DNAH5: variants seen among roughly 807,000 people sequenced by gnomAD.
The protein encoded by DNAH5 is axonemal beta dynein heavy chain 5.
A neutral mutation model predicts 518.2 loss-of-function variants in DNAH5; 372 were observed. The observed-to-expected ratio is 0.72, with a 90% CI of 0.66 to 0.78. The LOEUF (loss-of-function observed/expected upper bound fraction) is 0.78, where lower values mean the gene tolerates loss of function less well. DNAH5 is among the 30% of genes least tolerant of loss of function. The probability of loss-of-function intolerance (pLI) is 0.00; values close to 1 mark genes in which losing one functional copy is unlikely to be tolerated. For missense variants in DNAH5, 5,523 were observed against 5,687.0 expected (o/e 0.97, Z 0.93); for synonymous variants, 2,039 against 2,025.9 (o/e 1.01, Z -0.17).
intron 7 of DNAH5, among the ~76,000 whole-genome samples, chr5:13,918,837 A>G (rs187079106): frequency 5.5e-4 from 84 of 152,312 alleles, no homozygotes; most frequent in Non-Finnish European, 8.1e-4. Context: ...AAGGACTAAA[A>G]AATAAATACA....
intron 78 of DNAH5, among the ~76,000 whole-genome samples, chr5:13,699,865 G>C (rs992139232): frequency 2.0e-5 from 3 of 152,152 alleles, no homozygotes; most frequent in African/African-American, 4.8e-5. Context: ...GACGAACAGG[G>C]AATTCCCTCG....
chr5:13,751,425 G>A (rs1262594048), intron 64 of DNAH5, among the ~76,000 whole-genome samples, 165 bp from the exon 65 acceptor site: 1 of 152,098 alleles, frequency 6.6e-6, no homozygotes. Context: ...AGACAACTAG[G>A]ATGAAAGAAA....
rs1760986607 is a variant in DNAH5, at chr5:13,813,431, A to G, written c.7230+1174T>C. On this transcript the variant is annotated intron_variant, in intron 43 of 78. Coordinates refer to ENST00000265104, the MANE Select transcript of DNAH5 (RefSeq NM_001369.3). Reference sequence around the variant, plus strand: ...TGTGGTTTCCAAGCCTGGCTATGTGAAAAAAAAATGTTGTGGCACTTAAAA... The same window carrying G: ...TGTGGTTTCCAAGCCTGGCTATGTGGAAAAAAAATGTTGTGGCACTTAAAA... 2.0e-5 allele frequency among the ~76,000 whole-genome samples: 3 copies of G among 147,942 alleles called. No individual in the cohort carries two copies. The Admixed American group carries it at 2.1e-4, about 10-fold the overall frequency.
At chr5:13,695,853 TGCACATACACACACATGCACAC>T (rs1210865553) in intron 78 of DNAH5, among the ~76,000 whole-genome samples, 1 of 151,858 alleles carries the variant, frequency 6.6e-6, no homozygotes, top group Admixed American at 6.6e-5. Context: ...CACATGCACA[TGCACATACACACACATGCACAC>T]GCACATACAC....
intron 65 of DNAH5, among the ~76,000 whole-genome samples, chr5:13,740,525 T>C (rs6861936): frequency 4.6e-5 from 7 of 152,126 alleles, no homozygotes; most frequent in African/African-American, 1.7e-4. Context: ...ACATCAGTGG[T>C]TTTCAAATTT....
intron 1 of DNAH5, among the ~76,000 whole-genome samples, chr5:13,954,327 A>G (rs971367686): frequency 6.6e-6 from 1 of 152,308 alleles, no homozygotes; most frequent in South Asian, 2.1e-4. Context: ...AAATTATAAG[A>G]CCTTATGAAG....
At chr5:13,739,155 G>C (rs375561821) in intron 65 of DNAH5, among the ~76,000 whole-genome samples, 1 of 152,022 alleles carries the variant, frequency 6.6e-6, no homozygotes, top group Non-Finnish European at 1.5e-5. Context: ...TTCTCAATTG[G>C]GTACTCTGGA....
chr5:13,766,120 G>T lies in DNAH5; in HGVS notation c.9957C>A (p.Ile3319=). Residue 3319 remains isoleucine (I), a synonymous_variant, in exon 59 of 79, where the codon ATC becomes ATA. Transcript: ENST00000265104. ...VRTLGRPPHL[I]MRIMDCVLLL... ...GCAGTACGCAATCCATGATCCGCAT[G>T]ATGAGGTGAGGGGGGCGGCCCAACG... 6.2e-7 allele frequency: 1 copy of T among 1,614,226 alleles called. No individual in the cohort carries two copies. The highest frequency in any genetic ancestry group is 2.2e-5 in the East Asian group (1 of 44,894).
At chr5:13,883,292 C>T (rs1343414267) in intron 19 of DNAH5, among the ~76,000 whole-genome samples, 198 bp from the exon 20 acceptor site, 1 of 152,040 alleles carries the variant, frequency 6.6e-6, no homozygotes, top group South Asian at 2.1e-4. Flanking sequence ...GAACCCAAGG[C>T]ATTTTTTGCT....
intron 47 of DNAH5, 44 bp downstream of exon 47, chr5:13,807,547 T>C (rs777730520): frequency 1.9e-6 from 3 of 1,599,854 alleles, no homozygotes; most frequent in Non-Finnish European, 2.6e-6. Flanking sequence ...CTCCAAAGTT[T>C]ATCACAAAAT....
In DNAH5 at chr5:13,859,471, A is replaced by G. The variant is rs760262266; in HGVS notation, c.4931T>C (p.Ile1644Thr). The G allele has an allele frequency of 1.2e-6, 2 of 1,614,074 alleles. No individual in the cohort carries two copies. Among genetic ancestry groups the G allele is most frequent in the South Asian group, 2.2e-5 (2 of 91,078 alleles). ...YLEAVFVGGD[I>T]AKQLPKEAKR... Reference sequence around the variant, plus strand: ...CAAAACCTTGGGCAGCTGCTTGGCAATGTCTCCTCCCACAAAGACAGCTTC... The same window carrying G: ...CAAAACCTTGGGCAGCTGCTTGGCAGTGTCTCCTCCCACAAAGACAGCTTC... The change falls in exon 30 of 79, where the codon ATT becomes ACT. Residue 1644 changes from isoleucine (I) to threonine (T), a missense_variant. Physicochemically the swap from Ile to Thr is moderately conservative, Grantham distance 89. Around this residue, in one of 3 missense-constraint regions of DNAH5, gnomAD observed 5,121 missense variants for 5,223.3 expected, o/e 0.98. Coordinates refer to ENST00000265104, the MANE Select transcript of DNAH5 (RefSeq NM_001369.3).
intron 30 of DNAH5, among the ~76,000 whole-genome samples, chr5:13,858,956 A>G (rs999767480): frequency 2.0e-5 from 3 of 152,236 alleles, no homozygotes; most frequent in Admixed American, 2.0e-4. Context: ...TTGATGATAA[A>G]TATATACTTG....
At chr5:13,853,396 A>C (rs1222287646) in intron 30 of DNAH5, among the ~76,000 whole-genome samples, 1 of 152,218 alleles carries the variant, frequency 6.6e-6, no homozygotes, top group Non-Finnish European at 1.5e-5. Context: ...ATGGTAGATA[A>C]ATACACGAAG....
chr5:13,886,607 T>C (rs1203198131), intron 17 of DNAH5, among the ~76,000 whole-genome samples: 1 of 152,206 alleles, frequency 6.6e-6, no homozygotes, highest in African/African-American at 2.4e-5. Context: ...GGTGATCAAT[T>C]CTGGAGGAGA....
rs752656841 is a variant in DNAH5, at chr5:13,793,549, C to G, written c.8190G>C (p.Thr2730=). 32 of 1,613,860 alleles carry G rather than the reference C, an allele frequency of 2.0e-5. No homozygotes were observed. Among genetic ancestry groups the G allele is most frequent in the Non-Finnish European group, 2.5e-5 (29 of 1,179,962 alleles). The change falls in exon 49 of 79, where the codon ACG becomes ACC. Residue 2730 remains threonine (T), a synonymous_variant. Coordinates refer to ENST00000265104, the MANE Select transcript of DNAH5 (RefSeq NM_001369.3). ...LKRQFSIFNC[T]LPSEASVDKI... is the part of the protein sequence containing the mutation. ...TGTCCACAGAAGCTTCAGAGGGCAA[C>G]GTGCAATTAAATATAGAGAACTGCC...
chr5:13,991,682 C>T (rs552260005), intron 1 of DNAH5, among the ~76,000 whole-genome samples: 1 of 151,700 alleles, frequency 6.6e-6, no homozygotes, highest in East Asian at 1.9e-4. Context: ...ACGAGGGAGG[C>T]GTGAAGACAG....
chr5:13,886,219 T>C (rs1772419391), intron 17 of DNAH5, 90 bp from the exon 18 acceptor site: 2 of 1,329,970 alleles, frequency 1.5e-6, no homozygotes, highest in Non-Finnish European at 2.1e-6. Context: ...AGCAATGCTG[T>C]GGCTCAGCCT....
At chr5:13,718,554 G>T (rs1204752569) in intron 72 of DNAH5, among the ~76,000 whole-genome samples, 1 of 152,224 alleles carries the variant, frequency 6.6e-6, no homozygotes, top group Non-Finnish European at 1.5e-5. Flanking sequence ...TCTTGGAAGA[G>T]ACTACTGTAC....
chr5:13,756,044 G>C (rs1346279107), intron 61 of DNAH5, among the ~76,000 whole-genome samples: 1 of 152,180 alleles, frequency 6.6e-6, no homozygotes, highest in Non-Finnish European at 1.5e-5. Flanking sequence ...TCCCTGAGTA[G>C]TACCCCCCTC....
Sources: allele counts gnomAD v4.1 joint callset (sites outside exome capture counted in the v4.1 genomes callset), GRCh38; gene constraint gnomAD v4.1.1; regional missense constraint gnomAD v4.1.1; transcripts MANE v1.5; gene names NCBI Gene and HGNC (gene_info 2026-07-23, HGNC 2026-07-21).